Variants in TBC1D16 observed in about 807,000 individuals in gnomAD.
TBC1D16 encodes the protein CTD-2529O21.1.
TBC1D16 carries 58 observed loss-of-function variants against 74.7 expected under a neutral mutation model. The observed-to-expected ratio is 0.78, with a 90% CI of 0.63 to 0.97. The LOEUF is 0.97. Among genes scored for constraint, TBC1D16 ranks in the 50% least tolerant of loss-of-function variants. The probability of loss-of-function intolerance (pLI) is 0.00; values close to 1 mark genes in which losing one functional copy is unlikely to be tolerated. For missense variants in TBC1D16, 1,014 were observed against 1,079.5 expected (o/e 0.94, Z 0.85); for synonymous variants, 493 against 474.7 (o/e 1.04, Z -0.50).
In TBC1D16 at chr17:79,983,334, C is replaced by A. The variant is rs1385382579; in HGVS notation, c.779+26826G>T. On this transcript the variant is annotated intron_variant, in intron 3 of 11. Transcript: ENST00000310924. The surrounding 1 kb of genome is among the most constrained non-coding windows in gnomAD (Gnocchi z 5.6). ...TCGGTGTGTCTTAGGAGGTTGAGTG[C>A]ACATTGCAGGGCCCAGGGGCCCCTC... 6.6e-6 allele frequency among the ~76,000 whole-genome samples: 1 copy of A among 152,338 alleles called. No individual in the cohort carries two copies. The highest frequency in any genetic ancestry group is 1.9e-4 in the East Asian group (1 of 5,184).
intron 1 of TBC1D16, among the ~76,000 whole-genome samples, chr17:80,016,972 G>C (rs888358077): frequency 2.0e-5 from 3 of 152,092 alleles, no homozygotes; most frequent in African/African-American, 2.4e-5. Flanking sequence ...CACCAGTTCT[G>C]GGGGTGGGGA....
chr17:80,027,912 A>AAG (rs1568652909), intron 1 of TBC1D16, among the ~76,000 whole-genome samples: 7 of 148,720 alleles, frequency 4.7e-5, no homozygotes. Context: ...AAAAAAAAAA[A>AAG]AGAGAAGCAG....
chr17:79,990,255 G>A lies in TBC1D16; in HGVS notation c.779+19905C>T, dbSNP rs568733257. On this transcript the variant is annotated intron_variant, in intron 3 of 11. Coordinates refer to ENST00000310924, the MANE Select transcript of TBC1D16 (RefSeq NM_019020.4). The surrounding 1 kb of genome is among the most constrained non-coding windows in gnomAD (Gnocchi z 4.8). ...GCCGTAGCCCTCACAAGGCGTGTGC[G>A]GTGACGGGTCTCGGGCGCCCAGCCA... is the stretch of plus-strand genomic sequence containing the variant. Among the ~76,000 whole-genome samples the A allele has an allele frequency of 1.8e-4, 27 of 152,336 alleles. No individual in the cohort carries two copies. In the South Asian group the frequency reaches 5.0e-3, roughly 28 times the overall value.
At chr17:80,023,665 C>CGCT (rs1484257196) in intron 1 of TBC1D16, among the ~76,000 whole-genome samples, 1 of 142,754 alleles carries the variant, frequency 7.0e-6, no homozygotes, top group African/African-American at 2.8e-5. Context: ...GGGCCCCCCC[C>CGCT]CACCGGCTCA....
At position 80,000,330 on chromosome 17, in the gene TBC1D16, T is replaced by C. The variant is rs1472153842; in HGVS notation, c.779+9830A>G. On this transcript the variant is annotated intron_variant, in intron 3 of 11. Transcript: ENST00000310924. This position sits in a 1 kb window ranked among gnomAD's most constrained non-coding sequence, Gnocchi z 4.1. The stretch of plus-strand genomic sequence containing the variant: ...GGTCACCCTAGATTTGAGTAGGCCC[T>C]ATCTAATGACTGGCATCCGTATGAG... 6.6e-6 allele frequency among the ~76,000 whole-genome samples: 1 copy of C among 152,156 alleles called. No homozygotes were observed. Among genetic ancestry groups the C allele is most frequent in the Non-Finnish European group, 1.5e-5 (1 of 68,028 alleles).
rs755642768 is a variant in TBC1D16 at position 79,981,234 on chromosome 17, C to T, written c.780-28416G>A. Among the ~76,000 whole-genome samples, 16 of 152,212 alleles carry T rather than the reference C, an allele frequency of 1.1e-4. No homozygotes were observed. The highest frequency in any genetic ancestry group is 1.9e-4 in the East Asian group (1 of 5,192). On this transcript the variant is annotated intron_variant, in intron 3 of 11. Transcript: ENST00000310924. The surrounding 1 kb of genome is among the most constrained non-coding windows in gnomAD (Gnocchi z 6.9). ...TAGTTTCAGGGGAGCCAGCATCTTC[C>T]GCACCAATGCACTGCTTGGCCCGGC...
At chr17:79,970,152 C>G (rs1324130377) in intron 3 of TBC1D16, among the ~76,000 whole-genome samples, 1 of 152,084 alleles carries the variant, frequency 6.6e-6, no homozygotes, top group Non-Finnish European at 1.5e-5. Flanking sequence ...ATCCTGAAAA[C>G]ACGATGCTAA....
Position 79,981,591 on chromosome 17 carries a change from A to G in TBC1D16, c.779+28569T>C, listed in dbSNP as rs2034584002. 6.6e-6 allele frequency among the ~76,000 whole-genome samples: 1 copy of G among 152,234 alleles called. No individual in the cohort carries two copies. The highest frequency in any genetic ancestry group is 1.5e-5 in the Non-Finnish European group (1 of 68,044). On this transcript the variant is annotated intron_variant, in intron 3 of 11. Transcript: ENST00000310924. The surrounding 1 kb of genome is among the most constrained non-coding windows in gnomAD (Gnocchi z 6.9). ...CGGTGATAAAGAAATGCGCATGAAC[A>G]TGATTTTTAAGCCATCCTACCAGCA...
chr17:79,996,608 C>T (rs754945485), intron 3 of TBC1D16, among the ~76,000 whole-genome samples: 2 of 152,146 alleles, frequency 1.3e-5, no homozygotes, highest in African/African-American at 2.4e-5. Flanking sequence ...AGGCCGGGAA[C>T]GGTGGCTCAC....
chr17:79,968,212 T>C (rs1568596997), intron 3 of TBC1D16, among the ~76,000 whole-genome samples: 1 of 152,226 alleles, frequency 6.6e-6, no homozygotes, highest in Non-Finnish European at 1.5e-5. Context: ...CAGGCTGGTC[T>C]CAAACTCCTG....
chr17:80,013,503 CGAGGCTTTGGAG>C lies in TBC1D16; in HGVS notation c.33_44del (p.Ser12_Ser15del). On this transcript the variant is annotated inframe_deletion, in exon 2 of 12. Coordinates refer to ENST00000310924, the MANE Select transcript of TBC1D16 (RefSeq NM_019020.4). ...CACCGGGGGTGAGGGTCAGGAGGTCCGAGGCTTTGGAGGAGGCCCTGCGAAGGAGGCGGCCCA... is the reference window on the plus strand; with the variant it reads ...CACCGGGGGTGAGGGTCAGGAGGTCCGAGGCCCTGCGAAGGAGGCGGCCCA... 6.3e-7 allele frequency: 1 copy of C among 1,575,656 alleles called. No homozygotes were observed. The highest frequency in any genetic ancestry group is 8.6e-7 in the Non-Finnish European group (1 of 1,162,020).
At chr17:79,976,897 C>T (rs1011939493) in intron 3 of TBC1D16, among the ~76,000 whole-genome samples, 1 of 152,186 alleles carries the variant, frequency 6.6e-6, no homozygotes, top group Non-Finnish European at 1.5e-5. Flanking sequence ...CTCATCCCAT[C>T]CTCTCCTGCT....
chr17:80,024,842 G>A (rs1310003468), intron 1 of TBC1D16, among the ~76,000 whole-genome samples: 8 of 130,886 alleles, frequency 6.1e-5, no homozygotes, highest in East Asian at 5.0e-4. Flanking sequence ...CATACACACC[G>A]TAGACACACA....
Position 79,935,449 on chromosome 17 carries a change from A to G in TBC1D16, c.*5410T>C, listed in dbSNP as rs1442938858. 1 of 152,150 alleles carries G rather than the reference A, an allele frequency of 6.6e-6. No individual in the cohort carries two copies. Among genetic ancestry groups the G allele is most frequent in the Non-Finnish European group, 1.5e-5 (1 of 68,046 alleles). The allele number at this position is 152,150 out of a possible 1,614,324, so 9.4% of individuals were successfully genotyped here. A position where few individuals can be genotyped will look rare whatever the true frequency, so the allele number is the denominator to read the frequency against. On this transcript the variant is annotated 3_prime_UTR_variant, in exon 12 of 12. Transcript: ENST00000310924. ...AGGACCCTCAGTCCCCACAGCCCCC[A>G]TCCAGCTCTCTTTTACACCTTCCCC... is the stretch of plus-strand genomic sequence containing the variant.
Position 80,009,949 on chromosome 17 carries a change from G to T in TBC1D16, c.779+211C>A, listed in dbSNP as rs533692822. Among the ~76,000 whole-genome samples, 80 of 152,290 alleles carry T rather than the reference G, an allele frequency of 5.3e-4. No homozygotes were observed. The highest frequency in any genetic ancestry group is 1.9e-3 in the African/African-American group (79 of 41,562). ...TGGACACCCCGACGCACCCTTCACA[G>T]TCCTCTCAGTGGGGTGTAAAGTGGG... On this transcript the variant is annotated intron_variant, in intron 3 of 11. Coordinates refer to ENST00000310924, the MANE Select transcript of TBC1D16 (RefSeq NM_019020.4). The surrounding 1 kb of genome is among the most constrained non-coding windows in gnomAD (Gnocchi z 5.4).
rs763501997 is a variant in TBC1D16, at chr17:79,944,053, C to T, written c.1908+855G>A. On this transcript the variant is annotated intron_variant, in intron 10 of 11. Transcript: ENST00000310924. This position sits in a 1 kb window ranked among gnomAD's most constrained non-coding sequence, Gnocchi z 7.7. The stretch of plus-strand genomic sequence containing the variant: ...AGCCGATGACCGCATGCAAAGGCGG[C>T]GTGTGGTACCGGCACTCGGTGGCTT... 7 of 1,535,912 alleles carry T rather than the reference C, an allele frequency of 4.6e-6. No individual in the cohort carries two copies. The highest frequency in any genetic ancestry group is 1.4e-5 in the African/African-American group (1 of 73,164).
At chr17:80,002,769 T>A (rs1196925160) in intron 3 of TBC1D16, among the ~76,000 whole-genome samples, 3 of 152,234 alleles carry the variant, frequency 2.0e-5, no homozygotes, top group African/African-American at 7.2e-5. Context: ...CTTGGCCACA[T>A]CTGCTGCATT....
intron 3 of TBC1D16, among the ~76,000 whole-genome samples, chr17:79,966,070 A>C (rs1267672504): frequency 1.3e-5 from 2 of 152,128 alleles, no homozygotes; most frequent in Non-Finnish European, 2.9e-5. Flanking sequence ...CTCCCTCTGA[A>C]AGTCTAGGAG....
intron 1 of TBC1D16, among the ~76,000 whole-genome samples, chr17:80,031,130 A>G (rs1206035163): frequency 6.6e-6 from 1 of 152,142 alleles, no homozygotes; most frequent in Non-Finnish European, 1.5e-5. Flanking sequence ...TCAAAGGGCG[A>G]TATGGAATCT....
Sources: allele counts gnomAD v4.1 joint callset (sites outside exome capture counted in the v4.1 genomes callset), GRCh38; gene constraint gnomAD v4.1.1; non-coding constraint Gnocchi (gnomAD v3.1); transcripts MANE v1.5; gene names NCBI Gene and HGNC (gene_info 2026-07-23, HGNC 2026-07-21).